ADORA2B: variants seen among roughly 807,000 people sequenced by gnomAD.
ADORA2B encodes adenosine A2b receptor.
In ADORA2B, 18 loss-of-function variants were observed where a neutral mutation model predicts 20.8. The ratio of observed to expected loss-of-function variants is 0.87; its 90% CI spans 0.60 to 1.29. The LOEUF (loss-of-function observed/expected upper bound fraction) is 1.29, where lower values mean the gene tolerates loss of function less well. ADORA2B is among the 50% of genes most tolerant of loss of function. ADORA2B has a pLI of 0.00. For missense variants in ADORA2B, 441 were observed against 422.7 expected, an observed-to-expected ratio of 1.04 and a Z score of -0.38; for synonymous variants, 179 against 178.3, an observed-to-expected ratio of 1.00 and a Z score of -0.03.
chr17:15,910,091 A>G, the ADORA2B span, among the ~76,000 whole-genome samples: 1 of 152,136 alleles, frequency 6.6e-6, no homozygotes, highest in South Asian at 2.1e-4. Flanking sequence ...TAAGTGTAAA[A>G]CAGCCTGTTA....
the ADORA2B span, among the ~76,000 whole-genome samples, chr17:15,938,476 G>C: frequency 1.4e-4 from 22 of 152,174 alleles, no homozygotes; most frequent in Admixed American, 1.4e-3. Flanking sequence ...CTAATGTTTT[G>C]TATGTGTAGT....
the ADORA2B span, among the ~76,000 whole-genome samples, chr17:15,904,426 C>G: frequency 6.9e-6 from 1 of 144,728 alleles, no homozygotes; most frequent in Non-Finnish European, 1.5e-5. Flanking sequence ...CGGAGTCTCT[C>G]CCTGTTGCCC....
chr17:15,964,615 C>CAA (rs372895382), intron 1 of ADORA2B, among the ~76,000 whole-genome samples: 6 of 66,398 alleles, frequency 9.0e-5, no homozygotes, highest in African/African-American at 1.2e-4. Flanking sequence ...GACTCTGTCT[C>CAA]AAAAAAAAAA....
At chr17:15,921,655 C>A in the ADORA2B span, among the ~76,000 whole-genome samples, 2 of 152,202 alleles carry the variant, frequency 1.3e-5, no homozygotes, top group Non-Finnish European at 2.9e-5. Flanking sequence ...GGTTAAGTGG[C>A]AAGGGATAGA....
At chr17:15,938,728 A>G in the ADORA2B span, among the ~76,000 whole-genome samples, 199 of 152,350 alleles carry the variant, frequency 1.3e-3, no homozygotes, top group African/African-American at 4.7e-3. Context: ...TAATGGTTAT[A>G]TAACAGTGGG....
chr17:15,919,896 G>A, the ADORA2B span, among the ~76,000 whole-genome samples: 1 of 152,076 alleles, frequency 6.6e-6, no homozygotes, highest in East Asian at 1.9e-4. Context: ...GAAGAAATTG[G>A]GTGAATGTGT....
the ADORA2B span, among the ~76,000 whole-genome samples, chr17:15,892,446 G>A: frequency 6.6e-6 from 1 of 151,770 alleles, no homozygotes; most frequent in Non-Finnish European, 1.5e-5. Context: ...TGGGATTACA[G>A]GTGTTAGCCA....
chr17:15,904,796 C>T, the ADORA2B span, among the ~76,000 whole-genome samples: 1 of 152,146 alleles, frequency 6.6e-6, no homozygotes, highest in South Asian at 2.1e-4. Flanking sequence ...CCAGTTATTT[C>T]AACACCATTT....
chr17:15,942,740 C>T (rs889899726), upstream of ADORA2B, among the ~76,000 whole-genome samples: 2 of 152,230 alleles, frequency 1.3e-5, no homozygotes, highest in South Asian at 2.1e-4. Flanking sequence ...ATCCCCGCCC[C>T]GTCCTGTGAC....
intron 1 of ADORA2B, among the ~76,000 whole-genome samples, chr17:15,964,802 C>A (rs1045074442): frequency 1.5e-4 from 22 of 151,692 alleles, no homozygotes; most frequent in African/African-American, 5.3e-4. Flanking sequence ...TGGCTCACGC[C>A]TGTAACCCCA....
chr17:15,890,033 C>T, the ADORA2B span, among the ~76,000 whole-genome samples: 1 of 130,012 alleles, frequency 7.7e-6, no homozygotes, highest in East Asian at 2.0e-4. Flanking sequence ...ACACTGGACG[C>T]CTAGATGTGA....
chr17:15,961,600 A>G (rs1053625348), intron 1 of ADORA2B, among the ~76,000 whole-genome samples: 1 of 152,332 alleles, frequency 6.6e-6, no homozygotes, highest in South Asian at 2.1e-4. Flanking sequence ...CTATGCTTTT[A>G]TAACAGAATA....
chr17:15,934,455 A>C, the ADORA2B span, among the ~76,000 whole-genome samples: 12 of 152,078 alleles, frequency 7.9e-5, no homozygotes, highest in Admixed American at 7.9e-4. Flanking sequence ...CAAACTCCTG[A>C]CCTTGTGATC....
At chr17:15,962,249 G>A (rs1313165156) in intron 1 of ADORA2B, among the ~76,000 whole-genome samples, 1 of 151,844 alleles carries the variant, frequency 6.6e-6, no homozygotes, top group Non-Finnish European at 1.5e-5. Flanking sequence ...GTTGCAGTGA[G>A]CCAAGATCGC....
chr17:15,974,770 G>C lies in ADORA2B; in HGVS notation c.427G>C (p.Gly143Arg). Residue 143 changes from glycine to arginine, a missense_variant, in exon 2 of 2, where the codon GGG (glycine) becomes CGG (arginine). Gly to Arg is a moderately radical substitution (Grantham distance 125). Transcript: ENST00000304222. Reference protein sequence around the residue: ...AFGIGLTPFLGWNSKDSATNN... With the variant: ...AFGIGLTPFLRWNSKDSATNN... Reference sequence around the variant, plus strand: ...TGGCATCGGATTGACTCCATTCCTGGGGTGGAACAGTAAAGACAGTGCCAC... The same window carrying C: ...TGGCATCGGATTGACTCCATTCCTGCGGTGGAACAGTAAAGACAGTGCCAC... The C allele has an allele frequency of 6.2e-7, 1 of 1,613,980 alleles. No homozygotes were observed. Among genetic ancestry groups the C allele is most frequent in the Non-Finnish European group, 8.5e-7 (1 of 1,180,010 alleles).
the ADORA2B span, among the ~76,000 whole-genome samples, chr17:15,910,313 T>C: frequency 2.6e-5 from 4 of 152,128 alleles, no homozygotes; most frequent in Non-Finnish European, 4.4e-5. Context: ...TTTTTTTTTT[T>C]TTTAGACTGA....
At chr17:15,915,980 C>T in the ADORA2B span, among the ~76,000 whole-genome samples, 2 of 152,182 alleles carry the variant, frequency 1.3e-5, no homozygotes, top group Admixed American at 6.5e-5. Flanking sequence ...ATCAGATTGG[C>T]CTGCGATAGG....
intron 1 of ADORA2B, 153 bp from the exon 2 acceptor site, chr17:15,974,526 A>G: frequency 1.6e-6 from 1 of 626,562 alleles, no homozygotes; most frequent in Non-Finnish European, 2.8e-6. Flanking sequence ...CCCTGCTTGC[A>G]TGTCTTTAGT....
chr17:15,966,626 T>C (rs1201907839), intron 1 of ADORA2B, among the ~76,000 whole-genome samples: 1 of 152,238 alleles, frequency 6.6e-6, no homozygotes, highest in Non-Finnish European at 1.5e-5. Context: ...TCCGTGTGAC[T>C]GTTTTTCTGT....
Sources: allele counts gnomAD v4.1 joint callset (sites outside exome capture counted in the v4.1 genomes callset), GRCh38; gene constraint gnomAD v4.1.1; transcripts MANE v1.5; gene names NCBI Gene and HGNC (gene_info 2026-07-23, HGNC 2026-07-21).